The following MAP4K3 variants were observed in gnomAD, a reference collection of about 807,000 sequenced individuals.
MAP4K3 encodes mitogen-activated protein kinase kinase kinase kinase 3, also known as MAPK/ERK kinase kinase kinase 3.
MAP4K3 carries 94 observed loss-of-function variants against 143.5 expected under a neutral mutation model. That is an observed-to-expected ratio of 0.65 (90% CI 0.55 to 0.78). MAP4K3 has a LOEUF of 0.78. Ranked by LOEUF, MAP4K3 falls within the 30% of genes least tolerant of loss-of-function variation. MAP4K3 has a pLI of 0.00. For missense variants in MAP4K3, 1,077 were observed against 1,068.1 expected (o/e 1.01, Z -0.12); for synonymous variants, 416 against 347.2 (o/e 1.20, Z -2.20).
At chr2:39,331,446 G>A (rs76922543) in intron 8 of MAP4K3, among the ~76,000 whole-genome samples, 4,895 of 152,154 alleles carry the variant, frequency 0.032, 100 homozygotes, top group African/African-American at 0.052. Flanking sequence ...AGCAGACAGA[G>A]GCCAGATCAC....
chr2:39,315,793 G>A (rs182859171), intron 12 of MAP4K3, among the ~76,000 whole-genome samples: 85 of 152,160 alleles, frequency 5.6e-4, no homozygotes, highest in Middle Eastern at 3.4e-3. Context: ...AAATACAACA[G>A]TGTAAACATT....
intron 6 of MAP4K3, 142 bp from the exon 7 acceptor site, chr2:39,333,716 A>C: frequency 2.0e-6 from 1 of 489,302 alleles, no homozygotes; most frequent in Middle Eastern, 5.4e-4. Context: ...ATGTCGTATC[A>C]TTAGAGTCAT....
In MAP4K3 at chr2:39,263,583, T is replaced by C. The variant is rs1425970202; in HGVS notation, c.2136+1620A>G. Among the ~76,000 whole-genome samples the C allele has an allele frequency of 3.3e-5, 5 of 152,064 alleles. No homozygotes were observed. In the East Asian group the frequency reaches 7.7e-4, roughly 24 times the overall value. ...CGTGAGCCACCGCGCCCGGCCCATA[T>C]AGAAGTCTTGACGCAGAGAGACACG... On this transcript the variant is annotated intron_variant, in intron 28 of 33. Coordinates refer to ENST00000263881, the MANE Select transcript of MAP4K3 (RefSeq NM_003618.4).
At chr2:39,342,864 A>T (rs1472931457) in intron 4 of MAP4K3, among the ~76,000 whole-genome samples, 1 of 152,198 alleles carries the variant, frequency 6.6e-6, no homozygotes, top group Admixed American at 6.5e-5. Flanking sequence ...ATAATCCACT[A>T]ATAGAAAGAG....
At chr2:39,287,039 A>G in intron 20 of MAP4K3, 75 bp from the exon 21 acceptor site, 2 of 823,350 alleles carry the variant, frequency 2.4e-6, no homozygotes, top group Non-Finnish European at 3.8e-6. Context: ...CAAGTAGGAA[A>G]GAAAAAATAT....
chr2:39,270,368 C>T (rs1680962645), intron 26 of MAP4K3, among the ~76,000 whole-genome samples: 1 of 152,112 alleles, frequency 6.6e-6, no homozygotes, highest in Non-Finnish European at 1.5e-5. Context: ...TTTACCAGCA[C>T]CCAATTAACT....
At chr2:39,267,045 CAG>C (rs1558609749) in intron 27 of MAP4K3, 142 bp downstream of exon 27, 3 of 698,142 alleles carry the variant, frequency 4.3e-6, no homozygotes, top group Non-Finnish European at 7.6e-6. Context: ...TTAGTCTACA[CAG>C]AGATGAAACA....
At chr2:39,268,634 A>ATTTTTTTTTTTTTTTTTTTTT (rs70954799) in intron 26 of MAP4K3, among the ~76,000 whole-genome samples, 1 of 73,772 alleles carries the variant, frequency 1.4e-5, no homozygotes, top group Non-Finnish European at 2.4e-5. Flanking sequence ...GATTTTTTCT[A>ATTTTTTTTTTTTTTTTTTTTT]TTTTTTTTTT....
chr2:39,353,441 T>C (rs1005939103), intron 3 of MAP4K3, among the ~76,000 whole-genome samples: 3 of 152,182 alleles, frequency 2.0e-5, no homozygotes, highest in African/African-American at 4.8e-5. Flanking sequence ...AAATAATATA[T>C]TTAAATCAGT....
At chr2:39,327,513 C>A (rs1283743346) in intron 8 of MAP4K3, among the ~76,000 whole-genome samples, 1 of 151,990 alleles carries the variant, frequency 6.6e-6, no homozygotes, top group East Asian at 1.9e-4. Context: ...TTTTTAAAAG[C>A]AACTAATTGA....
intron 13 of MAP4K3, among the ~76,000 whole-genome samples, chr2:39,314,896 C>A (rs72801442): frequency 0.014 from 2,156 of 152,270 alleles, 27 homozygotes; most frequent in Non-Finnish European, 0.022. Flanking sequence ...AGTTTGCAGA[C>A]CTCTATTTCT....
rs1453651691 is a variant in MAP4K3 at position 39,331,163 on chromosome 2, TC to T, written c.530+753del. On this transcript the variant is annotated intron_variant, in intron 8 of 33. Coordinates refer to ENST00000263881, the MANE Select transcript of MAP4K3 (RefSeq NM_003618.4). Reference sequence around the variant, plus strand: ...GCTGATGAGTCAGATGAAGAGGGCATCAGGGGAGTGGTTGCACATAAGCTGA... The same window carrying T: ...GCTGATGAGTCAGATGAAGAGGGCATAGGGGAGTGGTTGCACATAAGCTGA... Among the ~76,000 whole-genome samples, 6 of 152,120 alleles carry T rather than the reference TC, an allele frequency of 3.9e-5. No homozygotes were observed. The East Asian group carries it at 1.2e-3, about 29-fold the overall frequency.
chr2:39,325,099 G>A (rs746999807), intron 12 of MAP4K3, among the ~76,000 whole-genome samples: 24 of 152,108 alleles, frequency 1.6e-4, no homozygotes, highest in Non-Finnish European at 3.5e-4. Context: ...TTACAGACAT[G>A]AGCCACCAGG....
intron 1 of MAP4K3, among the ~76,000 whole-genome samples, chr2:39,398,184 C>T (rs1448972389): frequency 6.6e-6 from 1 of 152,064 alleles, no homozygotes; most frequent in Non-Finnish European, 1.5e-5. Context: ...CATGTACAAG[C>T]TTAATCAGTA....
chr2:39,315,721 G>T (rs904306780), intron 12 of MAP4K3, among the ~76,000 whole-genome samples: 4 of 152,096 alleles, frequency 2.6e-5, no homozygotes, highest in Non-Finnish European at 4.4e-5. Context: ...CTACAAGGAT[G>T]AATCAAGTAC....
chr2:39,402,809 A>G (rs540314769), intron 1 of MAP4K3, among the ~76,000 whole-genome samples: 37 of 152,088 alleles, frequency 2.4e-4, no homozygotes, highest in Middle Eastern at 3.4e-3. Context: ...AAAAAGAAAA[A>G]AGAAAGAAAA....
Position 39,375,877 on chromosome 2 carries a change from G to A in MAP4K3, c.154+2189C>T, listed in dbSNP as rs75779838. On this transcript the variant is annotated intron_variant, in intron 2 of 33. Coordinates refer to ENST00000263881, the MANE Select transcript of MAP4K3 (RefSeq NM_003618.4). ...GTGTCTAGCTCCTTTCACTTAGCACGTTTTGGTCACCTATGTTACAGCATG... is the reference window on the plus strand; with the variant it reads ...GTGTCTAGCTCCTTTCACTTAGCACATTTTGGTCACCTATGTTACAGCATG... Among the ~76,000 whole-genome samples, 253 of 152,260 alleles carry A rather than the reference G, an allele frequency of 1.7e-3. 6 individuals carry two copies. The East Asian group carries it at 0.023, about 14-fold the overall frequency.
At chr2:39,259,233 A>G (rs759497184) in intron 29 of MAP4K3, among the ~76,000 whole-genome samples, 70 of 152,156 alleles carry the variant, frequency 4.6e-4, no homozygotes, top group Non-Finnish European at 4.0e-4. Flanking sequence ...TGCCAAAACT[A>G]TGGTCTTTGT....
intron 15 of MAP4K3, among the ~76,000 whole-genome samples, chr2:39,306,818 C>T (rs914760630): frequency 6.6e-6 from 1 of 152,210 alleles, no homozygotes; most frequent in Non-Finnish European, 1.5e-5. Context: ...CTTAGTCCCT[C>T]CCAGAAGCCA....
Sources: allele counts gnomAD v4.1 joint callset (sites outside exome capture counted in the v4.1 genomes callset), GRCh38; gene constraint gnomAD v4.1.1; transcripts MANE v1.5; gene names NCBI Gene and HGNC (gene_info 2026-07-23, HGNC 2026-07-21).